The following LRBA variants were observed in gnomAD, a reference collection of about 807,000 sequenced individuals.
LRBA encodes the protein LPS responsive beige-like anchor protein.
A neutral mutation model predicts 330.0 loss-of-function variants in LRBA; 176 were observed. The ratio of observed to expected loss-of-function variants is 0.53; its 90% CI spans 0.47 to 0.60. LRBA has a LOEUF of 0.60. Ranked by LOEUF, LRBA falls within the 20% of genes least tolerant of loss-of-function variation. LRBA has a pLI of 0.00. For missense variants in LRBA, 3,259 were observed against 3,444.8 expected, an observed-to-expected ratio of 0.95 and a Z score of 1.35; for synonymous variants, 1,230 against 1,193.0, an observed-to-expected ratio of 1.03 and a Z score of -0.64.
At chr4:150,644,247 A>AC (rs1778933627) in intron 37 of LRBA, among the ~76,000 whole-genome samples, 1 of 151,976 alleles carries the variant, frequency 6.6e-6, no homozygotes, top group African/African-American at 2.4e-5. Context: ...ATTACCAAAC[A>AC]AAGCACTCAT....
intron 26 of LRBA, among the ~76,000 whole-genome samples, chr4:150,845,625 A>G (rs1315568084): frequency 2.6e-5 from 4 of 152,128 alleles, no homozygotes; most frequent in Non-Finnish European, 4.4e-5. Flanking sequence ...TTAAGGGGGG[A>G]CTTCACAAAG....
chr4:150,459,109 T>C (rs1439892824), intron 44 of LRBA, among the ~76,000 whole-genome samples: 1 of 151,906 alleles, frequency 6.6e-6, no homozygotes, highest in Non-Finnish European at 1.5e-5. Flanking sequence ...TAATACAATC[T>C]TCTGTCTTAT....
chr4:150,391,659 T>A (rs565350732), intron 47 of LRBA, among the ~76,000 whole-genome samples: 1 of 152,320 alleles, frequency 6.6e-6, no homozygotes, highest in African/African-American at 2.4e-5. Context: ...CCAACTTCAC[T>A]GAATTTTCTG....
intron 37 of LRBA, among the ~76,000 whole-genome samples, chr4:150,630,559 T>C (rs992095721): frequency 6.6e-6 from 1 of 152,084 alleles, no homozygotes; most frequent in African/African-American, 2.4e-5. Flanking sequence ...AGTTTATGTC[T>C]ACTTAAACAG....
chr4:150,352,450 C>T (rs1581092210), intron 47 of LRBA, among the ~76,000 whole-genome samples: 3 of 152,234 alleles, frequency 2.0e-5, no homozygotes, highest in Middle Eastern at 3.4e-3. Flanking sequence ...ATGCAATTCT[C>T]ACATCCCAAA....
chr4:150,903,608 TAC>T (rs935913423), intron 13 of LRBA, among the ~76,000 whole-genome samples: 1 of 151,426 alleles, frequency 6.6e-6, no homozygotes, highest in African/African-American at 2.4e-5. Context: ...TGTGTGGTGG[TAC>T]ACAGCTACAG....
chr4:150,805,717 T>C (rs2126713221), intron 33 of LRBA, among the ~76,000 whole-genome samples: 1 of 151,800 alleles, frequency 6.6e-6, no homozygotes, highest in East Asian at 1.9e-4. Context: ...AAAGGACCCA[T>C]TATTCCTCAT....
chr4:150,469,879 C>G (rs956984485), intron 43 of LRBA, among the ~76,000 whole-genome samples: 1 of 152,086 alleles, frequency 6.6e-6, no homozygotes, highest in African/African-American at 2.4e-5. Context: ...TCTTTAATAA[C>G]ACATTTAAAA....
chr4:150,716,050 G>A (rs957454638), intron 36 of LRBA, among the ~76,000 whole-genome samples: 16 of 152,218 alleles, frequency 1.1e-4, no homozygotes, highest in African/African-American at 3.6e-4. Context: ...AACAAACATC[G>A]TGTGGTGGTT....
chr4:150,707,801 T>C (rs150408925), intron 36 of LRBA, among the ~76,000 whole-genome samples: 1 of 151,702 alleles, frequency 6.6e-6, no homozygotes, highest in Non-Finnish European at 1.5e-5. Flanking sequence ...CTCTAGCATA[T>C]GATAATTAGA....
intron 34 of LRBA, among the ~76,000 whole-genome samples, chr4:150,768,908 T>G (rs1047851809): frequency 2.0e-5 from 3 of 149,664 alleles, no homozygotes; most frequent in Non-Finnish European, 4.4e-5. Flanking sequence ...AAGATAGGGA[T>G]TTTATCAAGT....
chr4:150,745,055 G>GT (rs1410652244), intron 35 of LRBA, among the ~76,000 whole-genome samples: 1 of 152,146 alleles, frequency 6.6e-6, no homozygotes, highest in Non-Finnish European at 1.5e-5. Context: ...CATCCTCTCA[G>GT]TGACAGTAAA....
At chr4:150,518,205 G>A (rs1308341924) in intron 40 of LRBA, among the ~76,000 whole-genome samples, 2 of 152,152 alleles carry the variant, frequency 1.3e-5, no homozygotes, top group Non-Finnish European at 2.9e-5. Flanking sequence ...TTGAACACAA[G>A]AACTGTGTTA....
chr4:150,348,448 A>G (rs1736701772), intron 48 of LRBA, among the ~76,000 whole-genome samples: 1 of 152,228 alleles, frequency 6.6e-6, no homozygotes, highest in African/African-American at 2.4e-5. Flanking sequence ...GCAACTCTAT[A>G]GAACATTACA....
chr4:150,848,430 A>C (rs1374052310), intron 26 of LRBA, among the ~76,000 whole-genome samples: 6 of 152,118 alleles, frequency 3.9e-5, no homozygotes, highest in Non-Finnish European at 7.4e-5. Flanking sequence ...GCACTACTTT[A>C]GAGCAAAAAG....
intron 46 of LRBA, 128 bp from the exon 47 acceptor site, chr4:150,415,718 T>C: frequency 1.7e-6 from 1 of 599,764 alleles, no homozygotes; most frequent in Non-Finnish European, 2.9e-6. Flanking sequence ...TTTTTTTCTT[T>C]GCATATCATA....
At position 150,335,516 on chromosome 4, in the gene LRBA, CGTATT is replaced by C. The variant is rs1581044055; in HGVS notation, c.7363-9623_7363-9619del. Among the ~76,000 whole-genome samples, 4 of 139,512 alleles carry C rather than the reference CGTATT, an allele frequency of 2.9e-5. No homozygotes were observed. In the East Asian group the frequency reaches 8.4e-4, roughly 29 times the overall value. 91.5% of individuals were successfully genotyped at this position (139,512 alleles called of 152,430 possible). On this transcript the variant is annotated intron_variant, in intron 48 of 56. Coordinates refer to ENST00000651943, the MANE Select transcript of LRBA (RefSeq NM_001364905.1). ...GTATATATATATACACACACATATA[CGTATT>C]ATATATGTGTGTATATATATATATA...
chr4:150,756,351 A>T (rs1237752749), intron 35 of LRBA, among the ~76,000 whole-genome samples: 1 of 152,206 alleles, frequency 6.6e-6, no homozygotes, highest in Non-Finnish European at 1.5e-5. Context: ...TAGCAGCCAG[A>T]TCTATTTCTG....
intron 47 of LRBA, among the ~76,000 whole-genome samples, chr4:150,362,348 CATG>C (rs750588422): frequency 6.6e-5 from 10 of 152,144 alleles, no homozygotes; most frequent in Non-Finnish European, 1.3e-4. Context: ...TTTCATGCTT[CATG>C]ATTTCTTTGT....
Sources: allele counts gnomAD v4.1 joint callset (sites outside exome capture counted in the v4.1 genomes callset), GRCh38; gene constraint gnomAD v4.1.1; transcripts MANE v1.5; gene names NCBI Gene and HGNC (gene_info 2026-07-23, HGNC 2026-07-21).